Variants in NEMP2 observed in about 807,000 individuals in gnomAD.
The protein encoded by NEMP2 is nuclear envelope integral membrane protein 2.
In NEMP2, 53 loss-of-function variants were observed where a neutral mutation model predicts 54.2. That is an observed-to-expected ratio of 0.98 (90% CI 0.78 to 1.23). NEMP2 has a LOEUF of 1.23. Ranked by LOEUF, NEMP2 falls within the 50% of genes most tolerant of loss-of-function variation. The probability of loss-of-function intolerance (pLI) is 0.00; values close to 1 mark genes in which losing one functional copy is unlikely to be tolerated. For missense variants in NEMP2, 455 were observed against 511.3 expected, an observed-to-expected ratio of 0.89 and a Z score of 1.06; for synonymous variants, 197 against 190.3, an observed-to-expected ratio of 1.04 and a Z score of -0.29.
In NEMP2 at chr2:190,520,815, T is replaced by G. The variant is rs1690728662; in HGVS notation, c.214-1632A>C. Among the ~76,000 whole-genome samples the G allele has an allele frequency of 6.6e-6, 1 of 152,078 alleles. No individual in the cohort carries two copies. Among genetic ancestry groups the G allele is most frequent in the African/African-American group, 2.4e-5 (1 of 41,404 alleles). ...CACTGTGTGACCACCATCTCCTATC[T>G]TTCCAGTGTACCCATCTAGTGCCCC... On this transcript the variant is annotated intron_variant, in intron 2 of 8. Coordinates refer to ENST00000409150, the MANE Select transcript of NEMP2 (RefSeq NM_001142645.2). This position sits in a 1 kb window ranked among gnomAD's most constrained non-coding sequence, Gnocchi z 5.4.
chr2:190,483,835 C>CAAAA, the NEMP2 span, among the ~76,000 whole-genome samples: 7 of 86,672 alleles, frequency 8.1e-5, no homozygotes, highest in Admixed American at 8.6e-4. Flanking sequence ...AACTCATTTT[C>CAAAA]AAAAAAAAAA....
At chr2:190,545,276 T>G in the NEMP2 span, among the ~76,000 whole-genome samples, 1 of 152,230 alleles carries the variant, frequency 6.6e-6, no homozygotes. Flanking sequence ...CTAAGGAGCC[T>G]CTGCCAAAGT....
the NEMP2 span, among the ~76,000 whole-genome samples, chr2:190,474,805 C>CA: frequency 1.8e-4 from 28 of 152,232 alleles, 1 homozygote; most frequent in Middle Eastern, 0.014. Flanking sequence ...AAGATAGATG[C>CA]AAAAATCCTC....
the NEMP2 span, among the ~76,000 whole-genome samples, chr2:190,492,009 A>T: frequency 6.6e-6 from 1 of 152,250 alleles, no homozygotes; most frequent in East Asian, 1.9e-4. The surrounding 1 kb of genome is among the most constrained non-coding windows in gnomAD (Gnocchi z 5.2). Flanking sequence ...ACAGAAATGC[A>T]AAATGTTCTG....
chr2:190,547,862 A>C, the NEMP2 span, among the ~76,000 whole-genome samples: 1 of 152,184 alleles, frequency 6.6e-6, no homozygotes, highest in African/African-American at 2.4e-5. The surrounding 1 kb of genome is among the most constrained non-coding windows in gnomAD (Gnocchi z 6.2). Flanking sequence ...CTTATAATAA[A>C]ATAAGAAAAA....
At position 190,525,652 on chromosome 2, in the gene NEMP2, T is replaced by C. The variant is rs1297014942; in HGVS notation, c.98-274A>G. On this transcript the variant is annotated intron_variant, in intron 1 of 8. Coordinates refer to ENST00000409150, the MANE Select transcript of NEMP2 (RefSeq NM_001142645.2). The surrounding 1 kb of genome is among the most constrained non-coding windows in gnomAD (Gnocchi z 5.0). The stretch of plus-strand genomic sequence containing the variant: ...AATTCTGAAGCAGAAGGCAGAATTA[T>C]GGGCACCTTCTCAGAAAAGACAAAA... Among the ~76,000 whole-genome samples, 1 of 152,084 alleles carries C rather than the reference T, an allele frequency of 6.6e-6. No individual in the cohort carries two copies. The highest frequency in any genetic ancestry group is 6.5e-5 in the Admixed American group (1 of 15,272).
At chr2:190,643,599 CA>C in the NEMP2 span, among the ~76,000 whole-genome samples, 1 of 152,172 alleles carries the variant, frequency 6.6e-6, no homozygotes, top group Non-Finnish European at 1.5e-5. Flanking sequence ...TTGCGAGGAT[CA>C]GATGAATTAA....
the NEMP2 span, chr2:190,627,888 C>A: frequency 6.6e-6 from 1 of 152,230 alleles, no homozygotes; most frequent in Non-Finnish European, 1.5e-5. This position sits in a 1 kb window ranked among gnomAD's most constrained non-coding sequence, Gnocchi z 4.4. Context: ...ATTTTTCTAT[C>A]CGTGTGCCAA....
the NEMP2 span, among the ~76,000 whole-genome samples, chr2:190,472,520 G>A: frequency 6.6e-6 from 1 of 152,194 alleles, no homozygotes; most frequent in South Asian, 2.1e-4. Context: ...AATGAAGTGA[G>A]AAAAGAAGTT....
At chr2:190,537,873 G>A (rs1691428670), upstream of NEMP2, among the ~76,000 whole-genome samples, 1 of 152,136 alleles carries the variant, frequency 6.6e-6, no homozygotes, top group African/African-American at 2.4e-5. Context: ...TCCCATCACA[G>A]GCTCAGAGGC....
At chr2:190,532,357 TAACTTC>T (rs1691174124) in intron 1 of NEMP2, among the ~76,000 whole-genome samples, 1 of 152,222 alleles carries the variant, frequency 6.6e-6, no homozygotes. Flanking sequence ...CTCAGGTCTT[TAACTTC>T]AAGTTCAAAT....
At position 190,510,435 on chromosome 2, in the gene NEMP2, C is replaced by T. The variant is rs1485449821; in HGVS notation, c.1056G>A (p.Glu352=). 5.2e-6 allele frequency: 8 copies of T among 1,551,762 alleles called. No individual in the cohort carries two copies. Among genetic ancestry groups the T allele is most frequent in the Admixed American group, 2.0e-5 (1 of 51,010 alleles). The change falls in exon 8 of 9, where the codon GAG becomes GAA. Residue 352 remains glutamate, a synonymous_variant. Coordinates refer to ENST00000409150, the MANE Select transcript of NEMP2 (RefSeq NM_001142645.2). This position sits in a 1 kb window ranked among gnomAD's most constrained non-coding sequence, Gnocchi z 5.7. ...GTTTTCGGCAGGCCCGGCGTAGCTCCTCCAGAGCACTGTTCGTTTCAGCAT... is the reference window on the plus strand; with the variant it reads ...GTTTTCGGCAGGCCCGGCGTAGCTCTTCCAGAGCACTGTTCGTTTCAGCAT... ...QADAETNSAL[E]ELRRACRKPD...
chr2:190,492,426 C>T, the NEMP2 span, among the ~76,000 whole-genome samples: 63 of 152,292 alleles, frequency 4.1e-4, 1 homozygote, highest in South Asian at 0.011. This position sits in a 1 kb window ranked among gnomAD's most constrained non-coding sequence, Gnocchi z 5.2. Context: ...AAAGGAAAAC[C>T]TCTCAGATTA....
intron 1 of NEMP2, 110 bp downstream of exon 1, chr2:190,534,449 C>G: frequency 8.1e-7 from 1 of 1,237,020 alleles, no homozygotes; most frequent in Non-Finnish European, 1.0e-6. Context: ...GAGCGCCCGC[C>G]CCAGTGGGCC....
chr2:190,497,703 A>C, the NEMP2 span: 5 of 1,613,804 alleles, frequency 3.1e-6, no homozygotes, highest in Non-Finnish European at 2.5e-6. The surrounding 1 kb of genome is among the most constrained non-coding windows in gnomAD (Gnocchi z 5.2). Flanking sequence ...CGTGCTTCTG[A>C]GATACAGCCT....
chr2:190,487,370 T>C, the NEMP2 span, among the ~76,000 whole-genome samples: 1 of 152,138 alleles, frequency 6.6e-6, no homozygotes, highest in South Asian at 2.1e-4. The surrounding 1 kb of genome is among the most constrained non-coding windows in gnomAD (Gnocchi z 5.5). Flanking sequence ...TAAAAATTGT[T>C]ATATCCTTTG....
rs1033208815 is a variant in NEMP2 at position 190,505,401 on chromosome 2, G to A, written c.*3788C>T. On this transcript the variant is annotated 3_prime_UTR_variant, in exon 9 of 9. Transcript: ENST00000409150. The surrounding 1 kb of genome is among the most constrained non-coding windows in gnomAD (Gnocchi z 5.8). ...AGGTGCAAATTAAGAGGTATCGAAGGTGCCTCATATAGTGCCTGATGGATC... is the reference window on the plus strand; with the variant it reads ...AGGTGCAAATTAAGAGGTATCGAAGATGCCTCATATAGTGCCTGATGGATC... The A allele has an allele frequency of 1.3e-5, 2 of 152,056 alleles. No homozygotes were observed. Among genetic ancestry groups the A allele is most frequent in the African/African-American group, 2.4e-5 (1 of 41,384 alleles). The allele number at this position is 152,056 out of a possible 1,614,324, so 9.4% of individuals were successfully genotyped here.
chr2:190,466,145 T>C, the NEMP2 span, among the ~76,000 whole-genome samples: 1 of 152,296 alleles, frequency 6.6e-6, no homozygotes, highest in South Asian at 2.1e-4. Context: ...ACACCAGTTA[T>C]ATTGGATTAG....
the NEMP2 span, among the ~76,000 whole-genome samples, chr2:190,448,657 T>C: frequency 6.6e-6 from 1 of 152,162 alleles, no homozygotes; most frequent in Non-Finnish European, 1.5e-5. Context: ...TATAAAGACA[T>C]TTAAATTTGT....
Sources: gnomAD v4.1 joint callset for allele counts (sites outside exome capture counted in the v4.1 genomes callset) on GRCh38, gnomAD v4.1.1 for gene constraint, Gnocchi (gnomAD v3.1) non-coding constraint, MANE v1.5 for transcripts, NCBI Gene and HGNC (gene_info 2026-07-23, HGNC 2026-07-21) for gene names.